SCLT1: variants seen among roughly 807,000 people sequenced by gnomAD.
The protein encoded by SCLT1 is sodium channel and clathrin linker 1.
SCLT1 carries 78 observed loss-of-function variants against 112.8 expected under a neutral mutation model. The ratio of observed to expected loss-of-function variants is 0.69; its 90% CI spans 0.58 to 0.83. The LOEUF (loss-of-function observed/expected upper bound fraction) is 0.83. SCLT1 is among the 40% of genes least tolerant of loss of function. The pLI is 0.00. For synonymous variants in SCLT1, 257 were observed against 254.7 expected (o/e 1.01, Z -0.09); for missense variants, 747 against 770.4 (o/e 0.97, Z 0.36).
At chr4:128,970,546 TGG>T in intron 9 of SCLT1, 78 bp from the exon 10 acceptor site, 1 of 818,340 alleles carries the variant, frequency 1.2e-6, no homozygotes, top group Non-Finnish European at 2.0e-6. Flanking sequence ...AATCTGAATT[TGG>T]TAAAATCAGT....
At chr4:129,055,198 G>A (rs1404147795) in intron 2 of SCLT1, among the ~76,000 whole-genome samples, 1 of 152,212 alleles carries the variant, frequency 6.6e-6, no homozygotes, top group Non-Finnish European at 1.5e-5. Flanking sequence ...TGAGGAGTCA[G>A]TCAACCCTTG....
downstream of SCLT1, among the ~76,000 whole-genome samples, chr4:128,883,089 T>C (rs1236744353): frequency 4.9e-5 from 7 of 141,974 alleles, no homozygotes; most frequent in Admixed American, 5.4e-4. Context: ...GAGGTTGCAG[T>C]GAGCCGAGAT....
chr4:129,014,645 T>G (rs1425039110), intron 5 of SCLT1, among the ~76,000 whole-genome samples: 2 of 152,208 alleles, frequency 1.3e-5, no homozygotes. Context: ...GGCCCTGACA[T>G]TGTTCTCTCA....
intron 2 of SCLT1, among the ~76,000 whole-genome samples, chr4:129,051,050 T>C (rs984923948): frequency 1.3e-5 from 2 of 152,166 alleles, no homozygotes; most frequent in East Asian, 3.9e-4. Context: ...TGTGGTGTTA[T>C]TTCTGAGGCC....
chr4:128,942,946 C>G, intron 17 of SCLT1, 50 bp downstream of exon 17: 1 of 1,396,142 alleles, frequency 7.2e-7, no homozygotes. Flanking sequence ...TAAATATTCT[C>G]TATACTTTGA....
intron 6 of SCLT1, among the ~76,000 whole-genome samples, chr4:129,001,338 G>C (rs993762567): frequency 2.0e-4 from 31 of 151,858 alleles, no homozygotes; most frequent in African/African-American, 7.0e-4. Flanking sequence ...TGGGGTGGTG[G>C]GGGGGTGGGG....
intron 5 of SCLT1, among the ~76,000 whole-genome samples, chr4:129,028,845 T>C (rs1040444397): frequency 2.0e-5 from 3 of 150,796 alleles, no homozygotes; most frequent in African/African-American, 4.9e-5. Flanking sequence ...AAAAAAACCA[T>C]CCCATCAAAA....
intron 5 of SCLT1, among the ~76,000 whole-genome samples, chr4:129,012,831 G>A (rs964837804): frequency 3.4e-5 from 5 of 147,528 alleles, no homozygotes; most frequent in East Asian, 2.0e-4. Context: ...AACTAGGATC[G>A]TAACCCCTAC....
At chr4:128,980,185 A>G (rs181511254) in intron 9 of SCLT1, among the ~76,000 whole-genome samples, 32 of 152,314 alleles carry the variant, frequency 2.1e-4, no homozygotes, top group Non-Finnish European at 3.8e-4. Context: ...AAGACACACT[A>G]TGAATCAAAA....
chr4:128,891,017 T>C (rs373752155), intron 19 of SCLT1, 42 bp downstream of exon 19: 2 of 1,370,820 alleles, frequency 1.5e-6, no homozygotes, highest in Admixed American at 1.7e-5. Context: ...ATGTGTATCA[T>C]GCTGCAGCAG....
Position 128,919,197 on chromosome 4 carries a change from TAA to T in SCLT1, c.1829+17456_1829+17457del, listed in dbSNP as rs70938446. ...AGCTGCAAAACAATCCTCAGCAAAT[TAA>T]AAAAAAAAATCATACTAAACACACT... On this transcript the variant is annotated intron_variant, in intron 18 of 20. Coordinates refer to ENST00000281142, the MANE Select transcript of SCLT1 (RefSeq NM_144643.4). Among the ~76,000 whole-genome samples, 231 of 150,604 alleles carry T rather than the reference TAA, an allele frequency of 1.5e-3. 1 individual carries two copies. Among genetic ancestry groups the T allele is most frequent in the African/African-American group, 5.2e-3 (213 of 41,068 alleles).
intron 15 of SCLT1, among the ~76,000 whole-genome samples, chr4:128,947,177 A>T (rs1460513687): frequency 6.6e-6 from 1 of 152,222 alleles, no homozygotes; most frequent in Non-Finnish European, 1.5e-5. Context: ...CAGTGGGAGA[A>T]TAAGGCGCTG....
intron 18 of SCLT1, among the ~76,000 whole-genome samples, chr4:128,899,078 C>T (rs1411457989): frequency 1.3e-5 from 2 of 152,080 alleles, no homozygotes; most frequent in South Asian, 2.1e-4. Context: ...GATTCACAGC[C>T]GAATTCTACC....
intron 2 of SCLT1, among the ~76,000 whole-genome samples, chr4:129,068,170 C>A (rs1360196588): frequency 1.3e-5 from 2 of 152,136 alleles, no homozygotes; most frequent in African/African-American, 4.8e-5. Flanking sequence ...GCCATTAATT[C>A]ATTCCTTTTC....
intron 17 of SCLT1, among the ~76,000 whole-genome samples, chr4:128,941,240 T>C (rs1737667622): frequency 6.6e-6 from 1 of 152,122 alleles, no homozygotes; most frequent in Admixed American, 6.6e-5. Context: ...GATGTATGTA[T>C]GTCTGGCTTT....
At chr4:128,986,506 T>C (rs1005542018) in intron 9 of SCLT1, among the ~76,000 whole-genome samples, 6 of 152,172 alleles carry the variant, frequency 3.9e-5, no homozygotes, top group Non-Finnish European at 7.3e-5. Context: ...GCCAAAGGAT[T>C]GCCTGTGTCA....
At chr4:129,066,054 A>G (rs935113312) in intron 2 of SCLT1, among the ~76,000 whole-genome samples, 4 of 152,070 alleles carry the variant, frequency 2.6e-5, no homozygotes, top group Admixed American at 6.6e-5. Context: ...ACAATCCACA[A>G]TAATAAATTC....
chr4:128,993,257 A>G (rs538503981), intron 8 of SCLT1, among the ~76,000 whole-genome samples: 1 of 152,130 alleles, frequency 6.6e-6, no homozygotes, highest in African/African-American at 2.4e-5. Context: ...AGTGCACATT[A>G]TATTTAAATA....
intron 9 of SCLT1, among the ~76,000 whole-genome samples, chr4:128,972,947 A>G (rs553633770): frequency 6.6e-6 from 1 of 152,212 alleles, no homozygotes; most frequent in Non-Finnish European, 1.5e-5. Context: ...ATATAAGGCC[A>G]GTCAACATCT....
Sources: gnomAD v4.1 joint callset for allele counts (sites outside exome capture counted in the v4.1 genomes callset) on GRCh38, gnomAD v4.1.1 for gene constraint, MANE v1.5 for transcripts, NCBI Gene and HGNC (gene_info 2026-07-23, HGNC 2026-07-21) for gene names.